Variants in FAM3C observed in about 807,000 individuals in gnomAD.
FAM3C encodes the protein protein FAM3C.
Under a neutral mutation model 32.5 loss-of-function variants are expected in FAM3C, and 15 were observed. The observed-to-expected ratio is 0.46, with a 90% CI of 0.31 to 0.71. The LOEUF is 0.71. Ranked by LOEUF, FAM3C falls within the 30% of genes least tolerant of loss-of-function variation. The pLI, the probability that FAM3C is intolerant of heterozygous loss-of-function variation, is 0.05. For synonymous variants in FAM3C, 75 were observed against 86.1 expected (o/e 0.87, Z 0.72); for missense variants, 175 against 274.4 (o/e 0.64, Z 2.56).
chr7:121,388,398 G>A (rs11762263), intron 1 of FAM3C, among the ~76,000 whole-genome samples: 19,130 of 151,832 alleles, frequency 0.13, 1,556 homozygotes, highest in Non-Finnish European at 0.19. Flanking sequence ...ATTTTGAAAA[G>A]GGAAAAAAAG....
chr7:121,375,498 G>A (rs1362752627), intron 3 of FAM3C, among the ~76,000 whole-genome samples: 1 of 152,150 alleles, frequency 6.6e-6, no homozygotes. Flanking sequence ...AAAGATTGTT[G>A]AGTTTTAAGA....
At chr7:121,351,965 T>C (rs778586210) in intron 8 of FAM3C, among the ~76,000 whole-genome samples, 2 of 152,156 alleles carry the variant, frequency 1.3e-5, no homozygotes, top group African/African-American at 4.8e-5. Flanking sequence ...TTCTCTCCTT[T>C]ATCTCTAAGG....
At chr7:121,379,702 A>G (rs907861880) in intron 2 of FAM3C, among the ~76,000 whole-genome samples, 3 of 152,150 alleles carry the variant, frequency 2.0e-5, no homozygotes, top group Non-Finnish European at 4.4e-5. Flanking sequence ...ATGCTCAGAG[A>G]GCTACTGCTT....
At chr7:121,372,968 A>C (rs1794177036) in intron 3 of FAM3C, among the ~76,000 whole-genome samples, 1 of 152,218 alleles carries the variant, frequency 6.6e-6, no homozygotes, top group Non-Finnish European at 1.5e-5. Flanking sequence ...TGAAATGTTT[A>C]AAAAGAGGAA....
chr7:121,371,269 A>G (rs1009134632), intron 5 of FAM3C, 31 bp downstream of exon 5: 2 of 1,609,066 alleles, frequency 1.2e-6, no homozygotes, highest in African/African-American at 2.7e-5. Flanking sequence ...TTAATAGCAC[A>G]CCTTATCGTC....
chr7:121,360,025 T>G lies in FAM3C; in HGVS notation c.467+18A>C. 8.0e-7 allele frequency: 1 copy of G among 1,245,132 alleles called. No individual in the cohort carries two copies. Among genetic ancestry groups the G allele is most frequent in the Non-Finnish European group, 1.2e-6 (1 of 863,228 alleles). 77.1% of individuals were successfully genotyped at this position (1,245,132 alleles called of 1,614,324 possible). ...ATTACAAATTATAGTTCCAAAAAGT[T>G]CTGTAAAGTTTACATACTTGGTTGC... On this transcript the variant is annotated intron_variant, in intron 8 of 9. Transcript: ENST00000359943.
Position 121,371,525 on chromosome 7 carries a change from ATC to A in FAM3C, c.149-104_149-103del. On this transcript the variant is annotated intron_variant, in intron 4 of 9. Coordinates refer to ENST00000359943, the MANE Select transcript of FAM3C (RefSeq NM_014888.3). Reference sequence around the variant, plus strand: ...AACCACAAAGAGCATTAAGAAAAACATCAAGATACACGTATCTTAAAATACAA... The same window carrying A: ...AACCACAAAGAGCATTAAGAAAAACAAAGATACACGTATCTTAAAATACAA... 3 of 1,213,202 alleles carry A rather than the reference ATC, an allele frequency of 2.5e-6. No individual in the cohort carries two copies. In the South Asian group the frequency reaches 4.2e-5, roughly 17 times the overall value. 75.2% of individuals were successfully genotyped at this position (1,213,202 alleles called of 1,614,324 possible).
At chr7:121,351,358 A>G in intron 8 of FAM3C, 89 bp from the exon 9 acceptor site, 1 of 1,163,718 alleles carries the variant, frequency 8.6e-7, no homozygotes, top group Non-Finnish European at 1.2e-6. Flanking sequence ...AAAACATGAG[A>G]CAAAATGAGA....
intron 1 of FAM3C, among the ~76,000 whole-genome samples, chr7:121,390,063 T>C (rs17143357): frequency 0.019 from 2,854 of 152,308 alleles, 100 homozygotes; most frequent in African/African-American, 0.065. Flanking sequence ...TGCAATCAAA[T>C]AATTTATATG....
intron 5 of FAM3C, among the ~76,000 whole-genome samples, chr7:121,370,227 A>G (rs1055876504): frequency 1.3e-5 from 2 of 152,222 alleles, no homozygotes; most frequent in Non-Finnish European, 2.9e-5. Context: ...CATCATTAGA[A>G]TACGGGAAAA....
intron 1 of FAM3C, among the ~76,000 whole-genome samples, chr7:121,392,086 G>C (rs946753213): frequency 6.6e-6 from 1 of 152,098 alleles, no homozygotes; most frequent in Non-Finnish European, 1.5e-5. Context: ...TCCTATAAAA[G>C]CCTCCCTCCT....
At chr7:121,387,661 C>A (rs1018962366) in intron 1 of FAM3C, among the ~76,000 whole-genome samples, 4 of 152,010 alleles carry the variant, frequency 2.6e-5, no homozygotes, top group Non-Finnish European at 5.9e-5. Flanking sequence ...CCAAACCAAT[C>A]CCAGGAAATG....
At chr7:121,350,780 C>T (rs1018291193) in intron 9 of FAM3C, among the ~76,000 whole-genome samples, 2 of 152,254 alleles carry the variant, frequency 1.3e-5, no homozygotes, top group Non-Finnish European at 2.9e-5. Context: ...GGATTATTTG[C>T]TACTCAAAAA....
intron 5 of FAM3C, among the ~76,000 whole-genome samples, chr7:121,368,561 A>C (rs566406923): frequency 6.6e-5 from 10 of 152,244 alleles, no homozygotes; most frequent in African/African-American, 2.4e-4. Flanking sequence ...CCACTTCCTT[A>C]ATTATTTTAC....
At chr7:121,363,018 A>C in intron 6 of FAM3C, 71 bp from the exon 7 acceptor site, 36 of 713,888 alleles carry the variant, frequency 5.0e-5, no homozygotes, top group Non-Finnish European at 8.3e-5. Context: ...CAATAATCTC[A>C]TCCAATGATT....
At chr7:121,364,016 G>A (rs957754790) in intron 6 of FAM3C, 114 bp downstream of exon 6, 1 of 720,806 alleles carries the variant, frequency 1.4e-6, no homozygotes, top group Non-Finnish European at 2.5e-6. Flanking sequence ...ATGGGACAGA[G>A]GGCTTTATCA....
At chr7:121,352,086 G>A (rs745478464) in intron 8 of FAM3C, among the ~76,000 whole-genome samples, 56 of 152,144 alleles carry the variant, frequency 3.7e-4, no homozygotes, top group Non-Finnish European at 6.8e-4. Flanking sequence ...TATATACTGC[G>A]CAAAAGACAG....
chr7:121,388,129 C>G (rs1163832101), intron 1 of FAM3C, among the ~76,000 whole-genome samples: 3 of 151,854 alleles, frequency 2.0e-5, no homozygotes, highest in Non-Finnish European at 4.4e-5. Flanking sequence ...GTTTTTAACA[C>G]TAAAGGCTTG....
chr7:121,357,393 A>G (rs1793835452), intron 8 of FAM3C, among the ~76,000 whole-genome samples: 1 of 152,220 alleles, frequency 6.6e-6, no homozygotes. Context: ...AAAAGCCATA[A>G]TACATCAGCA....
Sources: gnomAD v4.1 joint callset for allele counts (sites outside exome capture counted in the v4.1 genomes callset) on GRCh38, gnomAD v4.1.1 for gene constraint, MANE v1.5 for transcripts, NCBI Gene and HGNC (gene_info 2026-07-23, HGNC 2026-07-21) for gene names.